The following ELP2 variants were observed in gnomAD, a reference collection of about 807,000 sequenced individuals.
ELP2 encodes the protein elongator complex protein 2.
ELP2 carries 90 observed loss-of-function variants against 119.2 expected under a neutral mutation model. The observed-to-expected ratio is 0.75, with a 90% CI of 0.64 to 0.90. The LOEUF is 0.90. Among genes scored for constraint, ELP2 ranks in the 40% least tolerant of loss-of-function variants. The pLI is 0.00. For synonymous variants in ELP2, 339 were observed against 331.0 expected (o/e 1.02, Z -0.26); for missense variants, 921 against 967.8 (o/e 0.95, Z 0.64).
At position 36,133,246 on chromosome 18, in the gene ELP2, T is replaced by G. The variant is rs747081813; in HGVS notation, c.147T>G (p.Val49=). Residue 49 remains valine, a synonymous_variant, in exon 2 of 22, where the codon GTT becomes GTG. Transcript: ENST00000358232. ...SVVLYDPLKR[V]VVTNLNGHTA... Reference sequence around the variant, plus strand: ...TATTTTCTTCTCTAAAGAAAAGGGTTGTTGTTACCAACTTGAATGGTCACA... The same window carrying G: ...TATTTTCTTCTCTAAAGAAAAGGGTGGTTGTTACCAACTTGAATGGTCACA... 8.7e-6 allele frequency: 14 copies of G among 1,612,366 alleles called. No individual in the cohort carries two copies. Among genetic ancestry groups the G allele is most frequent in the Non-Finnish European group, 1.1e-5 (13 of 1,178,438 alleles).
At chr18:36,169,926 C>A in intron 19 of ELP2, 137 bp from the exon 20 acceptor site, 2 of 1,122,878 alleles carry the variant, frequency 1.8e-6, no homozygotes, top group Non-Finnish European at 2.6e-6. Flanking sequence ...TCCTGGCACA[C>A]CATACACGAA....
chr18:36,154,666 G>C (rs1432043034), intron 11 of ELP2, among the ~76,000 whole-genome samples, 184 bp from the exon 12 acceptor site: 1 of 152,214 alleles, frequency 6.6e-6, no homozygotes, highest in Non-Finnish European at 1.5e-5. Context: ...ACACATATTT[G>C]AATGCTTAAG....
At chr18:36,145,873 T>C in intron 9 of ELP2, 75 bp from the exon 10 acceptor site, 1 of 1,232,412 alleles carries the variant, frequency 8.1e-7, no homozygotes, top group Non-Finnish European at 1.2e-6. Context: ...ACCCATGTTG[T>C]TTGTTGTTTT....
intron 1 of ELP2, among the ~76,000 whole-genome samples, chr18:36,130,971 C>G (rs548180161): frequency 1.3e-5 from 2 of 151,798 alleles, no homozygotes; most frequent in African/African-American, 4.8e-5. Context: ...AGTTGGAGAC[C>G]AGTTTAGGCA....
chr18:36,133,096 T>C (rs2089691267), intron 1 of ELP2, 142 bp from the exon 2 acceptor site: 1 of 671,778 alleles, frequency 1.5e-6, no homozygotes, highest in Admixed American at 2.2e-5. Context: ...GTTAAAAGTT[T>C]ATAGATTGAA....
At chr18:36,169,067 G>T (rs1206432876) in intron 19 of ELP2, among the ~76,000 whole-genome samples, 1 of 151,550 alleles carries the variant, frequency 6.6e-6, no homozygotes, top group Non-Finnish European at 1.5e-5. Context: ...TGGGATTACA[G>T]GCACCCACCA....
At chr18:36,133,527 G>GATAA (rs1178596296) in intron 2 of ELP2, among the ~76,000 whole-genome samples, 1 of 152,126 alleles carries the variant, frequency 6.6e-6, no homozygotes, top group Non-Finnish European at 1.5e-5. Context: ...GCAGTGCTTA[G>GATAA]GATGAGGGTA....
intron 3 of ELP2, chr18:36,136,773 G>A (rs995630634): frequency 1.8e-5 from 3 of 171,278 alleles, no homozygotes; most frequent in Non-Finnish European, 3.8e-5. Context: ...TTTGTATGCT[G>A]TTAACTGTCT....
intron 19 of ELP2, 122 bp from the exon 20 acceptor site, chr18:36,169,941 A>C: frequency 1.6e-6 from 2 of 1,281,176 alleles, no homozygotes; most frequent in Non-Finnish European, 2.2e-6. Flanking sequence ...CACGAATGTA[A>C]TGATGCATTT....
At chr18:36,160,604 T>C (rs1334891636) in intron 16 of ELP2, among the ~76,000 whole-genome samples, 1 of 151,928 alleles carries the variant, frequency 6.6e-6, no homozygotes, top group Non-Finnish European at 1.5e-5. Context: ...ACTTAAGTTT[T>C]GTTGTTAGTC....
Position 36,166,812 on chromosome 18 carries a change from GCTT to G in ELP2, c.1955-283_1955-281del, listed in dbSNP as rs1028631807. The G allele has an allele frequency of 1.3e-3, 287 of 224,442 alleles. 2 individuals are homozygous for G. Among genetic ancestry groups the G allele is most frequent in the African/African-American group, 5.9e-3 (261 of 44,114 alleles). The allele number at this position is 224,442 out of a possible 1,614,324, so 13.9% of individuals were successfully genotyped here. On this transcript the variant is annotated intron_variant, in intron 18 of 21. Transcript: ENST00000358232. Reference sequence around the variant, plus strand: ...TTTGAGTAAGGCTAAATAGCTTCAGGCTTCTTCTGTAGGCGTGAGTTGAACTTC... The same window carrying G: ...TTTGAGTAAGGCTAAATAGCTTCAGGCTTCTGTAGGCGTGAGTTGAACTTC...
chr18:36,170,232 C>A (rs1017498762), intron 20 of ELP2, 36 bp downstream of exon 20: 1 of 1,613,376 alleles, frequency 6.2e-7, no homozygotes, highest in Non-Finnish European at 8.5e-7. Context: ...TTAAGAGGAC[C>A]ACTTGGTTTC....
intron 13 of ELP2, chr18:36,158,353 C>T (rs1019534179): frequency 6.5e-6 from 1 of 153,432 alleles, no homozygotes; most frequent in African/African-American, 2.4e-5. Context: ...TTAAAATACT[C>T]AGTTAGTTAG....
At chr18:36,151,995 C>G (rs560664901) in intron 11 of ELP2, among the ~76,000 whole-genome samples, 109 of 151,834 alleles carry the variant, frequency 7.2e-4, no homozygotes, top group Non-Finnish European at 1.4e-3. Context: ...AAGTGACCCA[C>G]CTTCCTCAGC....
chr18:36,141,572 C>G (rs944651171), intron 6 of ELP2: 106 of 235,606 alleles, frequency 4.5e-4, no homozygotes, highest in African/African-American at 2.4e-3. Flanking sequence ...AGTGGTTAAA[C>G]TAAAGGAGAG....
chr18:36,138,208 A>G lies in ELP2; in HGVS notation c.289-62A>G, dbSNP rs183528073. 3.5e-4 allele frequency: 552 copies of G among 1,575,950 alleles called. 3 individuals are homozygous for G. The African/African-American group carries it at 6.2e-3, about 18-fold the overall frequency. On this transcript the variant is annotated intron_variant, in intron 3 of 21. Coordinates refer to ENST00000358232, the MANE Select transcript of ELP2 (RefSeq NM_018255.4). The stretch of plus-strand genomic sequence containing the variant: ...GCCATTTTATTGGCACATTTATCCA[A>G]TTAAATAAAGGTAAAAAAAATCCTT...
At chr18:36,160,894 C>A in intron 16 of ELP2, 38 bp from the exon 17 acceptor site, 2 of 1,365,184 alleles carry the variant, frequency 1.5e-6, no homozygotes, top group Non-Finnish European at 2.1e-6. Flanking sequence ...AGAATAGATT[C>A]ATTTGCTAAT....
rs563867593 is a variant in ELP2, at chr18:36,131,361, G to A, written c.138+1290G>A. ...TTAAAGGGACCATGAGGCAAGGACC[G>A]ACTGTAGAATGGGAGAGACCACAGC... On this transcript the variant is annotated intron_variant, in intron 1 of 21. Transcript: ENST00000358232. 7.9e-5 allele frequency among the ~76,000 whole-genome samples: 12 copies of A among 152,348 alleles called. No individual in the cohort carries two copies. In the East Asian group the frequency reaches 1.3e-3, roughly 17 times the overall value.
At chr18:36,133,176 T>C in intron 1 of ELP2, 62 bp from the exon 2 acceptor site, 3 of 1,136,016 alleles carry the variant, frequency 2.6e-6, no homozygotes, top group Non-Finnish European at 2.6e-6. Flanking sequence ...CTGTTTTTAC[T>C]TATTTATTAA....
Sources: gnomAD v4.1 joint callset for allele counts (sites outside exome capture counted in the v4.1 genomes callset) on GRCh38, gnomAD v4.1.1 for gene constraint, MANE v1.5 for transcripts, NCBI Gene and HGNC (gene_info 2026-07-23, HGNC 2026-07-21) for gene names.